The following ZNF521 variants were observed in gnomAD, a reference collection of about 807,000 sequenced individuals.
ZNF521 encodes LYST-interacting protein 3.
ZNF521 carries 14 observed loss-of-function variants against 105.5 expected under a neutral mutation model. The ratio of observed to expected loss-of-function variants is 0.13; its 90% CI spans 0.09 to 0.21. The LOEUF is 0.21. Ranked by LOEUF, ZNF521 falls within the 10% of genes least tolerant of loss-of-function variation. The probability of loss-of-function intolerance (pLI) is 1.00; values close to 1 mark genes in which losing one functional copy is unlikely to be tolerated. For missense variants in ZNF521, 1,233 were observed against 1,629.7 expected (o/e 0.76, Z 4.19); for synonymous variants, 635 against 606.0 (o/e 1.05, Z -0.70).
intron 7 of ZNF521, among the ~76,000 whole-genome samples, chr18:25,063,316 C>G (rs1470808099): frequency 1.3e-5 from 2 of 152,154 alleles, no homozygotes; most frequent in Admixed American, 1.3e-4. Context: ...TGATGATGGA[C>G]AGTGGGAGCA....
intron 4 of ZNF521, among the ~76,000 whole-genome samples, chr18:25,217,088 G>A (rs1307122410): frequency 6.6e-6 from 1 of 152,134 alleles, no homozygotes; most frequent in African/African-American, 2.4e-5. Flanking sequence ...CACAGCCAGA[G>A]AGCCCATGAC....
chr18:25,120,418 AC>A lies in ZNF521; in HGVS notation c.3659-28338del, dbSNP rs1458485631. Among the ~76,000 whole-genome samples the A allele has an allele frequency of 3.3e-5, 5 of 152,276 alleles. No individual in the cohort carries two copies. The East Asian group carries it at 9.7e-4, about 29-fold the overall frequency. On this transcript the variant is annotated intron_variant, in intron 5 of 7. Coordinates refer to ENST00000361524, the MANE Select transcript of ZNF521 (RefSeq NM_015461.3). ...GCCAACACGATGAAACCCCATCTCT[AC>A]TAAAAATACGAAAAATTAGCTGGGT...
rs1164694513 is a variant in ZNF521, at chr18:25,235,766, T to C, written c.221-8069A>G. On this transcript the variant is annotated intron_variant, in intron 3 of 7. Coordinates refer to ENST00000361524, the MANE Select transcript of ZNF521 (RefSeq NM_015461.3). ...GGCAGCCTGAAAAGGCCACACTGTA[T>C]ACTTCACTGCAGACAAGGCCACTAG... is the stretch of plus-strand genomic sequence containing the variant. Among the ~76,000 whole-genome samples, 3 of 152,280 alleles carry C rather than the reference T, an allele frequency of 2.0e-5. No homozygotes were observed. In the East Asian group the frequency reaches 5.8e-4, roughly 29 times the overall value.
intron 2 of ZNF521, among the ~76,000 whole-genome samples, chr18:25,343,052 T>C (rs1159200702): frequency 1.3e-5 from 2 of 152,230 alleles, no homozygotes; most frequent in Non-Finnish European, 2.9e-5. Context: ...GTTTACTGTG[T>C]GGACTGTTCA....
intron 3 of ZNF521, among the ~76,000 whole-genome samples, chr18:25,301,560 T>C (rs895235086): frequency 6.6e-6 from 1 of 152,226 alleles, no homozygotes; most frequent in South Asian, 2.1e-4. Flanking sequence ...AAAGCCTGCT[T>C]TCATGCCAAA....
intron 2 of ZNF521, among the ~76,000 whole-genome samples, chr18:25,328,614 G>A (rs1369250544): frequency 2.7e-5 from 4 of 150,534 alleles, no homozygotes; most frequent in Non-Finnish European, 5.9e-5. Context: ...GTGCAGTGGC[G>A]TGATCTTGGC....
chr18:25,129,065 G>T (rs991739705), intron 5 of ZNF521, among the ~76,000 whole-genome samples: 2 of 151,756 alleles, frequency 1.3e-5, no homozygotes, highest in Non-Finnish European at 2.9e-5. Flanking sequence ...TAAAACTACA[G>T]AAATCAAGAT....
intron 5 of ZNF521, among the ~76,000 whole-genome samples, chr18:25,139,589 A>G (rs764441587): frequency 6.6e-6 from 1 of 152,018 alleles, no homozygotes; most frequent in Admixed American, 6.6e-5. Context: ...CTTTTCAGGT[A>G]AGACAATCAA....
Position 25,086,685 on chromosome 18 carries a change from G to T in ZNF521, c.3906+2780C>A, listed in dbSNP as rs141621390. ...ATTCACATATTAAACCTGAGTATTC[G>T]CATCAAGAGCAAATATATATAATTT... On this transcript the variant is annotated intron_variant, in intron 7 of 7. Transcript: ENST00000361524. Among the ~76,000 whole-genome samples the T allele has an allele frequency of 2.4e-4, 37 of 152,056 alleles. No individual in the cohort carries two copies. The East Asian group carries it at 6.0e-3, about 25-fold the overall frequency.
chr18:25,104,353 G>A (rs1339626368), intron 5 of ZNF521, among the ~76,000 whole-genome samples: 2 of 152,120 alleles, frequency 1.3e-5, no homozygotes, highest in Non-Finnish European at 2.9e-5. Context: ...TATATTTAAA[G>A]GCTCTGTTTT....
chr18:25,226,696 T>C lies in ZNF521; in HGVS notation c.1222A>G (p.Ile408Val), dbSNP rs116281827. Residue 408 changes from isoleucine (I) to valine (V), a missense_variant, in exon 4 of 8, where the codon ATT (isoleucine) becomes GTT (valine). Transcript: ENST00000361524. This position sits in a 1 kb window ranked among gnomAD's most constrained non-coding sequence, Gnocchi z 4.1. ...SKQAKVTYSC[I>V]YCNKQLFSSL... is the part of the protein sequence containing the mutation. Reference sequence around the variant, plus strand: ...GAAAATAATTGTTTGTTGCAGTAAATACAGCTGTAGGTAACTTTTGCTTGT... The same window carrying C: ...GAAAATAATTGTTTGTTGCAGTAAACACAGCTGTAGGTAACTTTTGCTTGT... 2 of 1,614,046 alleles carry C rather than the reference T, an allele frequency of 1.2e-6. No homozygotes were observed. The highest frequency in any genetic ancestry group is 4.5e-5 in the East Asian group (2 of 44,886).
At chr18:25,094,856 A>T (rs73398897) in intron 5 of ZNF521, among the ~76,000 whole-genome samples, 1,924 of 152,164 alleles carry the variant, frequency 0.013, 44 homozygotes, top group African/African-American at 0.044. Context: ...AGAAAGAGAG[A>T]TAGTAACACA....
rs1279194731 is a variant in ZNF521 at position 25,212,538 on chromosome 18, AATATATATATAT to A, written c.3573+11795_3573+11806del. On this transcript the variant is annotated intron_variant, in intron 4 of 7. Coordinates refer to ENST00000361524, the MANE Select transcript of ZNF521 (RefSeq NM_015461.3). ...AAAAAAAAAAAAAAAAAAAAAAAAA[AATATATATATAT>A]ATATATATATATATATGTATAGAAA... is the stretch of plus-strand genomic sequence containing the variant. Among the ~76,000 whole-genome samples, 144 of 48,146 alleles carry A rather than the reference AATATATATATAT, an allele frequency of 3.0e-3. 3 individuals carry two copies. Among genetic ancestry groups the A allele is most frequent in the African/African-American group, 0.016 (119 of 7,614 alleles). The allele number at this position is 48,146 out of a possible 152,430, so 31.6% of individuals were successfully genotyped here.
chr18:25,092,133 A>G (rs769115214), intron 5 of ZNF521, 52 bp from the exon 6 acceptor site: 1 of 1,606,668 alleles, frequency 6.2e-7, no homozygotes, highest in Non-Finnish European at 8.5e-7. Flanking sequence ...CATATCTTTA[A>G]TACACTAGAG....
chr18:25,303,525 T>C (rs571458806), intron 3 of ZNF521, among the ~76,000 whole-genome samples: 55 of 152,276 alleles, frequency 3.6e-4, no homozygotes, highest in African/African-American at 1.3e-3. Context: ...CTCGAACTCC[T>C]GATCTCATGA....
intron 5 of ZNF521, among the ~76,000 whole-genome samples, chr18:25,113,512 T>C (rs1485316398): frequency 1.3e-5 from 2 of 152,228 alleles, no homozygotes; most frequent in Non-Finnish European, 2.9e-5. Flanking sequence ...GCTAATGTTG[T>C]ATCAGAATGC....
Position 25,327,158 on chromosome 18 carries a change from G to C in ZNF521, c.41-4971C>G, listed in dbSNP as rs147643041. On this transcript the variant is annotated intron_variant, in intron 2 of 7. Coordinates refer to ENST00000361524, the MANE Select transcript of ZNF521 (RefSeq NM_015461.3). The stretch of plus-strand genomic sequence containing the variant: ...ACTAGTAAAAATAGAGGGTTTTTGA[G>C]ACTTTAGAAAGCTGCCCGAGTTCTT... 3.8e-3 allele frequency among the ~76,000 whole-genome samples: 577 copies of C among 152,268 alleles called. 6 individuals carry two copies. Among genetic ancestry groups the C allele is most frequent in the African/African-American group, 0.014 (562 of 41,562 alleles).
chr18:25,211,820 T>C lies in ZNF521; in HGVS notation c.3573+12525A>G, dbSNP rs546393600. On this transcript the variant is annotated intron_variant, in intron 4 of 7. Coordinates refer to ENST00000361524, the MANE Select transcript of ZNF521 (RefSeq NM_015461.3). ...TATAGAAAGTGATAAAAATATTCTT[T>C]TATTTTACTAAAAGGTTTATGGTTT... 2.6e-5 allele frequency among the ~76,000 whole-genome samples: 4 copies of C among 152,350 alleles called. No individual in the cohort carries two copies. In the East Asian group the frequency reaches 7.7e-4, roughly 29 times the overall value.
intron 5 of ZNF521, among the ~76,000 whole-genome samples, chr18:25,168,852 T>C (rs371475437): frequency 7.9e-5 from 12 of 152,300 alleles, no homozygotes; most frequent in African/African-American, 2.9e-4. Flanking sequence ...CAGGTTAGTA[T>C]TTCTCCCAGC....
Sources: gnomAD v4.1 joint callset for allele counts (sites outside exome capture counted in the v4.1 genomes callset) on GRCh38, gnomAD v4.1.1 for gene constraint, Gnocchi (gnomAD v3.1) non-coding constraint, MANE v1.5 for transcripts, NCBI Gene and HGNC (gene_info 2026-07-23, HGNC 2026-07-21) for gene names.